Variants in PGBD5 observed in about 807,000 individuals in gnomAD.
PGBD5 encodes piggyBac transposable element-derived protein 5.
In PGBD5, 14 loss-of-function variants were observed where a neutral mutation model predicts 47.9. The observed-to-expected ratio is 0.29, with a 90% CI of 0.19 to 0.46. PGBD5 has a LOEUF of 0.46. PGBD5 is among the 20% of genes least tolerant of loss of function. PGBD5 has a pLI of 1.00. For synonymous variants in PGBD5, 316 were observed against 306.3 expected (o/e 1.03, Z -0.33); for missense variants, 635 against 716.0 (o/e 0.89, Z 1.29).
At position 230,377,747 on chromosome 1, in the gene PGBD5, A is replaced by G. The variant is rs367758292; in HGVS notation, c.332-20426T>C. On this transcript the variant is annotated intron_variant, in intron 1 of 6. Transcript: ENST00000391860. ...AGAGTCATTGTGAGAATAAAATGAA[A>G]TACTGTGCATAAAGCACAGTGCAGC... The G allele has an allele frequency of 2.5e-5, 35 of 1,394,434 alleles. No homozygotes were observed. The African/African-American group carries it at 4.7e-4, about 19-fold the overall frequency. The allele number at this position is 1,394,434 out of a possible 1,614,324, so 86.4% of individuals were successfully genotyped here. A position where few individuals can be genotyped will look rare whatever the true frequency, so the allele number is the denominator to read the frequency against.
chr1:230,331,483 C>A (rs1667214017), intron 5 of PGBD5, among the ~76,000 whole-genome samples: 1 of 152,086 alleles, frequency 6.6e-6, no homozygotes, highest in Non-Finnish European at 1.5e-5. Context: ...CAAACATGTT[C>A]CCTGGAAATT....
intron 1 of PGBD5, among the ~76,000 whole-genome samples, chr1:230,404,994 A>T (rs1335715905): frequency 2.4e-3 from 331 of 140,588 alleles, no homozygotes; most frequent in Middle Eastern, 3.6e-3. Flanking sequence ...TTTTTTTTTT[A>T]AAAAGATATA....
At chr1:230,396,228 TTA>T (rs1435171397) in intron 1 of PGBD5, among the ~76,000 whole-genome samples, 1 of 8,660 alleles carries the variant, frequency 1.2e-4, no homozygotes, top group African/African-American at 6.3e-4. Context: ...TTCCTCCTTT[TTA>T]CCCCCACACT....
chr1:230,332,633 C>G (rs1667237972), intron 5 of PGBD5, among the ~76,000 whole-genome samples: 1 of 152,184 alleles, frequency 6.6e-6, no homozygotes, highest in South Asian at 2.1e-4. Context: ...TTACAACGAA[C>G]AGGGAGCTCT....
intron 1 of PGBD5, among the ~76,000 whole-genome samples, chr1:230,408,572 C>T (rs771821378): frequency 3.9e-5 from 6 of 152,012 alleles, no homozygotes; most frequent in Non-Finnish European, 8.8e-5. Context: ...AAATTACAAT[C>T]GATTGATTTT....
intron 3 of PGBD5, among the ~76,000 whole-genome samples, chr1:230,345,456 G>A (rs1667461694): frequency 6.6e-6 from 1 of 152,192 alleles, no homozygotes; most frequent in Non-Finnish European, 1.5e-5. Context: ...GGAGAGGAGG[G>A]GAAACCTGGC....
intron 1 of PGBD5, among the ~76,000 whole-genome samples, chr1:230,416,795 G>A (rs1314752006): frequency 1.3e-5 from 2 of 152,182 alleles, no homozygotes; most frequent in African/African-American, 4.8e-5. Context: ...AGTTACTGGA[G>A]GAGTTTAAGC....
At chr1:230,381,792 G>A (rs1656499985) in intron 1 of PGBD5, among the ~76,000 whole-genome samples, 1 of 152,048 alleles carries the variant, frequency 6.6e-6, no homozygotes, top group Non-Finnish European at 1.5e-5. Flanking sequence ...GACAGAGTGT[G>A]AGCCACCCCT....
At chr1:230,347,937 G>A (rs1031569672) in intron 3 of PGBD5, among the ~76,000 whole-genome samples, 9 of 152,286 alleles carry the variant, frequency 5.9e-5, no homozygotes, top group Admixed American at 5.9e-4. Context: ...GGCCAGGGCA[G>A]AGAAGCCAAA....
intron 3 of PGBD5, among the ~76,000 whole-genome samples, chr1:230,341,524 A>G (rs1488782591): frequency 6.6e-6 from 1 of 152,188 alleles, no homozygotes; most frequent in Non-Finnish European, 1.5e-5. Context: ...CAGTAATCTG[A>G]GAAACAGCAG....
At position 230,332,929 on chromosome 1, in the gene PGBD5, C is replaced by G. The variant is rs1667244421; in HGVS notation, c.1188G>C (p.Lys396Asn). The G allele has an allele frequency of 6.2e-7, 1 of 1,614,222 alleles. No homozygotes were observed. Among genetic ancestry groups the G allele is most frequent in the African/African-American group, 1.3e-5 (1 of 75,064 alleles). Residue 396 changes from lysine (K) to asparagine (N), a missense_variant, in exon 5 of 7, where the codon AAG becomes AAC. Physicochemically the swap from Lys to Asn is moderately conservative, Grantham distance 94. Transcript: ENST00000391860. The stretch of plus-strand genomic sequence containing the variant: ...AGATCAAGGACATGTTCCCCTTCAT[C>G]TTGATTTGGTACTGGCCCCGGGCCG... ...TPPARGQYQI[K>N]MKGNMSLICW...
chr1:230,379,292 C>T (rs557055008), intron 1 of PGBD5, among the ~76,000 whole-genome samples: 1 of 152,282 alleles, frequency 6.6e-6, no homozygotes, highest in South Asian at 2.1e-4. Flanking sequence ...CCCTGCTCCT[C>T]ACCTCCACTT....
At position 230,356,954 on chromosome 1, in the gene PGBD5, C is replaced by A; in HGVS notation, c.699G>T (p.Gln233His). 1 of 1,614,206 alleles carries A rather than the reference C, an allele frequency of 6.2e-7. No individual in the cohort carries two copies. Among genetic ancestry groups the A allele is most frequent in the Non-Finnish European group, 8.5e-7 (1 of 1,180,044 alleles). Residue 233 changes from glutamine (Q) to histidine (H), a missense_variant, in exon 2 of 7, where the codon CAG becomes CAT. Transcript: ENST00000391860. ...SQTTHGLYKV[Q>H]PFLDSLQNSF... ...TGTTCTGCAGGGAGTCGAGGAAGGGCTGGACCTTGTAGAGCCCGTGCGTGG... is the reference window on the plus strand; with the variant it reads ...TGTTCTGCAGGGAGTCGAGGAAGGGATGGACCTTGTAGAGCCCGTGCGTGG...
chr1:230,335,752 C>G (rs1667305812), intron 4 of PGBD5, among the ~76,000 whole-genome samples: 5 of 132 alleles, frequency 0.038, no homozygotes, highest in Admixed American at 0.083. Context: ...CAAAGACACA[C>G]ACAGATACAC....
intron 3 of PGBD5, among the ~76,000 whole-genome samples, chr1:230,348,191 A>C (rs528810186): frequency 2.0e-5 from 3 of 152,338 alleles, no homozygotes; most frequent in Non-Finnish European, 4.4e-5. Context: ...TGTGTACAGA[A>C]CCCTACATAT....
Position 230,404,611 on chromosome 1 carries a change from CAAA to C in PGBD5, c.331+20984_331+20986del, listed in dbSNP as rs747306411. Among the ~76,000 whole-genome samples, 842 of 100,310 alleles carry C rather than the reference CAAA, an allele frequency of 8.4e-3. 10 individuals carry two copies. The highest frequency in any genetic ancestry group is 0.031 in the African/African-American group (780 of 24,994). 65.8% of individuals were successfully genotyped at this position (100,310 alleles called of 152,430 possible). On this transcript the variant is annotated intron_variant, in intron 1 of 6. Transcript: ENST00000391860. ...GGTGAGACAGAGCAAAGTCTTGTCT[CAAA>C]AAAAAAAAAAAAAAAATATATATAT... is the stretch of plus-strand genomic sequence containing the variant.
intron 2 of PGBD5, among the ~76,000 whole-genome samples, chr1:230,356,237 TG>T (rs1438164444): frequency 6.6e-6 from 1 of 152,222 alleles, no homozygotes; most frequent in Non-Finnish European, 1.5e-5. Flanking sequence ...AGGAAGACTC[TG>T]GAGTTCTATC....
At position 230,321,109 on chromosome 1, in the gene PGBD5, C is replaced by T. The variant is rs897761675; in HGVS notation, c.*2316G>A. On this transcript the variant is annotated 3_prime_UTR_variant, in exon 7 of 7. Transcript: ENST00000391860. ...ACAAACTAGAAGAAAAGAGGGAAAA[C>T]CACCAGGCCGGAAGGCAGGCCTGCT... The T allele has an allele frequency of 4.6e-5, 7 of 152,236 alleles. No individual in the cohort carries two copies. The highest frequency in any genetic ancestry group is 1.7e-4 in the African/African-American group (7 of 41,458). The allele number at this position is 152,236 out of a possible 1,614,324, so 9.4% of individuals were successfully genotyped here. A position where few individuals can be genotyped will look rare whatever the true frequency, so the allele number is the denominator to read the frequency against.
chr1:230,381,417 G>A (rs1656485781), intron 1 of PGBD5, among the ~76,000 whole-genome samples: 1 of 152,220 alleles, frequency 6.6e-6, no homozygotes, highest in Non-Finnish European at 1.5e-5. Context: ...TGCCGTGATG[G>A]AGCTGCACTT....
Sources: allele counts gnomAD v4.1 joint callset (sites outside exome capture counted in the v4.1 genomes callset), GRCh38; gene constraint gnomAD v4.1.1; transcripts MANE v1.5; gene names NCBI Gene and HGNC (gene_info 2026-07-23, HGNC 2026-07-21).